Variants in GFOD2 observed in about 807,000 individuals in gnomAD.
GFOD2 encodes glucose-fructose oxidoreductase domain-containing protein 2.
Under a neutral mutation model 24.6 loss-of-function variants are expected in GFOD2, and 9 were observed. That is an observed-to-expected ratio of 0.37 (90% CI 0.22 to 0.64). The LOEUF is 0.64. Among genes scored for constraint, GFOD2 ranks in the 30% least tolerant of loss-of-function variants. The probability of loss-of-function intolerance (pLI) is 0.65; values close to 1 mark genes in which losing one functional copy is unlikely to be tolerated. For missense variants in GFOD2, 476 were observed against 532.5 expected (o/e 0.89, Z 1.04); for synonymous variants, 211 against 224.8 (o/e 0.94, Z 0.55).
chr16:67,714,473 CAAAAAAA>C (rs1265596335), intron 1 of GFOD2, among the ~76,000 whole-genome samples: 1 of 53,674 alleles, frequency 1.9e-5, no homozygotes, highest in African/African-American at 7.1e-5. Flanking sequence ...AACACTGTCT[CAAAAAAA>C]AAAAAAAAAA....
At position 67,675,299 on chromosome 16, in the gene GFOD2, G is replaced by C; in HGVS notation, c.1014C>G (p.Phe338Leu). 1 of 1,612,846 alleles carries C rather than the reference G, an allele frequency of 6.2e-7. No individual in the cohort carries two copies. Among genetic ancestry groups the C allele is most frequent in the Non-Finnish European group, 8.5e-7 (1 of 1,180,022 alleles). Reference sequence around the variant, plus strand: ...CGCTCTGCATGTACAGCCCATCCTCGAAGGAGGCGGCCATGGAGACAGGGG... The same window carrying C: ...CGCTCTGCATGTACAGCCCATCCTCCAAGGAGGCGGCCATGGAGACAGGGG... ...DRTPVSMAAS[F>L]EDGLYMQSVV... Residue 338 changes from phenylalanine to leucine, a missense_variant, in exon 3 of 3, where the codon TTC becomes TTG. Coordinates refer to ENST00000268797, the MANE Select transcript of GFOD2 (RefSeq NM_030819.4).
chr16:67,716,653 C>T (rs2053509125), intron 1 of GFOD2, among the ~76,000 whole-genome samples: 2 of 152,178 alleles, frequency 1.3e-5, no homozygotes, highest in Admixed American at 6.5e-5. Flanking sequence ...TCTGGGTCAA[C>T]GTGAAAGTAA....
chr16:67,706,281 C>T (rs1029490142), intron 1 of GFOD2, among the ~76,000 whole-genome samples: 2 of 152,012 alleles, frequency 1.3e-5, no homozygotes, highest in African/African-American at 4.8e-5. Context: ...CTGGCCTGAC[C>T]ATACTTTTTT....
chr16:67,714,393 C>T (rs1166142113), intron 1 of GFOD2, among the ~76,000 whole-genome samples: 1 of 150,482 alleles, frequency 6.6e-6, no homozygotes, highest in Non-Finnish European at 1.5e-5. Context: ...GCACAAGAAT[C>T]GCTTGAACCC....
At chr16:67,676,113 G>T in intron 2 of GFOD2, 60 bp from the exon 3 acceptor site, 2 of 1,475,286 alleles carry the variant, frequency 1.4e-6, no homozygotes, top group Non-Finnish European at 1.8e-6. Context: ...CAGCATGTCC[G>T]CCTGCCCTGA....
At chr16:67,687,019 AAGC>A (rs2053271865) in intron 1 of GFOD2, among the ~76,000 whole-genome samples, 2 of 151,692 alleles carry the variant, frequency 1.3e-5, no homozygotes, top group Admixed American at 1.3e-4. Context: ...GTGGTGGTGC[AAGC>A]CTGTATTCTC....
intron 1 of GFOD2, among the ~76,000 whole-genome samples, chr16:67,694,458 G>A (rs1267659422): frequency 6.6e-6 from 1 of 151,786 alleles, no homozygotes; most frequent in South Asian, 2.1e-4. Context: ...TAATAAAAAA[G>A]TTTTTTTTAA....
chr16:67,693,285 GTTTT>G (rs113766618), intron 1 of GFOD2, among the ~76,000 whole-genome samples: 3 of 143,060 alleles, frequency 2.1e-5, no homozygotes, highest in Non-Finnish European at 4.6e-5. Flanking sequence ...GGCTTTTTGG[GTTTT>G]TTTTTTTTTG....
intron 1 of GFOD2, among the ~76,000 whole-genome samples, chr16:67,693,276 G>T (rs2053329557): frequency 6.7e-6 from 1 of 149,768 alleles, no homozygotes; most frequent in African/African-American, 2.5e-5. Flanking sequence ...ACCACACCTG[G>T]CTTTTTGGGT....
chr16:67,694,987 CTTTT>C (rs542893576), intron 1 of GFOD2, among the ~76,000 whole-genome samples: 3 of 121,582 alleles, frequency 2.5e-5, no homozygotes, highest in Admixed American at 9.5e-5. Flanking sequence ...CCATCTCTCT[CTTTT>C]TTTTTTTTTT....
chr16:67,711,845 T>C (rs974557608), intron 1 of GFOD2, among the ~76,000 whole-genome samples: 13 of 152,198 alleles, frequency 8.5e-5, no homozygotes, highest in African/African-American at 2.7e-4. Flanking sequence ...ACCTTCAAAA[T>C]ATACCCTGCA....
intron 1 of GFOD2, among the ~76,000 whole-genome samples, chr16:67,705,737 G>A (rs926741627): frequency 1.3e-5 from 2 of 151,798 alleles, no homozygotes; most frequent in African/African-American, 2.4e-5. Context: ...TCAGGAGTGC[G>A]AGACCAGCCT....
chr16:67,693,592 G>A (rs973231462), intron 1 of GFOD2, among the ~76,000 whole-genome samples: 7 of 151,964 alleles, frequency 4.6e-5, no homozygotes, highest in African/African-American at 1.7e-4. Flanking sequence ...TTGGGAAGTG[G>A]AAAAATGTAC....
intron 1 of GFOD2, among the ~76,000 whole-genome samples, chr16:67,692,748 C>T (rs1275223731): frequency 4.0e-5 from 6 of 150,228 alleles, no homozygotes; most frequent in Admixed American, 6.6e-5. Flanking sequence ...AAAAAAAGGC[C>T]GGGCACGGTG....
chr16:67,692,409 T>C (rs1255325632), intron 1 of GFOD2, among the ~76,000 whole-genome samples: 2 of 151,624 alleles, frequency 1.3e-5, no homozygotes, highest in African/African-American at 2.4e-5. Context: ...CAAAACCCCA[T>C]CTATACTAAA....
In GFOD2 at chr16:67,713,378, C is replaced by G. The variant is rs566821538; in HGVS notation, c.-88+5785G>C. ...CAAGCAATTCTGCAGTCAACACCTG[C>G]TGGTGTCCTTCAATTCAATTCTGAC... On this transcript the variant is annotated intron_variant, in intron 1 of 2. Coordinates refer to ENST00000268797, the MANE Select transcript of GFOD2 (RefSeq NM_030819.4). 4.5e-3 allele frequency among the ~76,000 whole-genome samples: 678 copies of G among 152,298 alleles called. 6 individuals carry two copies. Among genetic ancestry groups the G allele is most frequent in the African/African-American group, 0.015 (632 of 41,552 alleles).
intron 1 of GFOD2, among the ~76,000 whole-genome samples, chr16:67,707,464 G>A (rs1451169258): frequency 6.6e-6 from 1 of 151,828 alleles, no homozygotes; most frequent in Non-Finnish European, 1.5e-5. Context: ...AACCACTTTG[G>A]AAAATTGACA....
At chr16:67,687,252 T>G (rs1657102961) in intron 1 of GFOD2, among the ~76,000 whole-genome samples, 1 of 151,784 alleles carries the variant, frequency 6.6e-6, no homozygotes, top group African/African-American at 2.4e-5. Flanking sequence ...TAATTAAAAT[T>G]TTCATGGTAG....
At chr16:67,679,501 G>C (rs1204407369) in intron 2 of GFOD2, among the ~76,000 whole-genome samples, 2 of 152,094 alleles carry the variant, frequency 1.3e-5, no homozygotes, top group Non-Finnish European at 2.9e-5. Flanking sequence ...CTCCCGAAGT[G>C]CTGGGGCGTG....
Sources: gnomAD v4.1 joint callset for allele counts (sites outside exome capture counted in the v4.1 genomes callset) on GRCh38, gnomAD v4.1.1 for gene constraint, MANE v1.5 for transcripts, NCBI Gene and HGNC (gene_info 2026-07-23, HGNC 2026-07-21) for gene names.